KCNT2: variants seen among roughly 807,000 people sequenced by gnomAD.
The protein encoded by KCNT2 is potassium channel subfamily T member 2.
In KCNT2, 67 loss-of-function variants were observed where a neutral mutation model predicts 153.8. The ratio of observed to expected loss-of-function variants is 0.44; its 90% confidence interval spans 0.36 to 0.53. KCNT2 has a LOEUF of 0.53. KCNT2 is among the 20% of genes least tolerant of loss of function. The pLI, the probability that KCNT2 is intolerant of heterozygous loss-of-function variation, is 0.00. For missense variants in KCNT2, 975 were observed against 1,354.8 expected, an observed-to-expected ratio of 0.72 and a Z score of 4.40; for synonymous variants, 500 against 458.8, an observed-to-expected ratio of 1.09 and a Z score of -1.15.
intron 1 of KCNT2, among the ~76,000 whole-genome samples, chr1:196,508,105 C>G (rs1409505057): frequency 7.6e-6 from 1 of 131,044 alleles, no homozygotes; most frequent in Non-Finnish European, 1.6e-5. Context: ...AGTATTAATA[C>G]ATAACAGAGG....
At position 196,305,141 on chromosome 1, in the gene KCNT2, T is replaced by TG. The variant is rs1156925881; in HGVS notation, c.2595+92_2595+93insC. 2.7e-5 allele frequency: 20 copies of TG among 741,702 alleles called. No individual in the cohort carries two copies. The African/African-American group carries it at 3.4e-4, about 13-fold the overall frequency. The allele number at this position is 741,702 out of a possible 1,614,324, so 45.9% of individuals were successfully genotyped here. On this transcript the variant is annotated intron_variant, in intron 22 of 27. Transcript: ENST00000294725. ...AAAATTCAAAACAGCATTTTAGTTT[T>TG]ACTATCTCATGGCATTTTTTTTATA...
At chr1:196,464,344 C>G (rs1008642644) in intron 8 of KCNT2, among the ~76,000 whole-genome samples, 1 of 151,734 alleles carries the variant, frequency 6.6e-6, no homozygotes, top group African/African-American at 2.4e-5. Flanking sequence ...TAAAATAGGT[C>G]TACTGTTTTT....
chr1:196,368,997 C>T (rs1179484864), intron 14 of KCNT2, among the ~76,000 whole-genome samples: 1 of 152,102 alleles, frequency 6.6e-6, no homozygotes. Flanking sequence ...TTTCTACACT[C>T]ATATCTAATC....
At chr1:196,427,802 T>A (rs1673785703) in intron 10 of KCNT2, among the ~76,000 whole-genome samples, 1 of 152,100 alleles carries the variant, frequency 6.6e-6, no homozygotes, top group South Asian at 2.1e-4. Context: ...AAAAATATCA[T>A]TTATGCTCTA....
At chr1:196,434,154 T>C (rs898545909) in intron 8 of KCNT2, among the ~76,000 whole-genome samples, 2 of 152,040 alleles carry the variant, frequency 1.3e-5, no homozygotes, top group African/African-American at 4.8e-5. Context: ...TATTCAAATG[T>C]AGTCTAGTAT....
intron 14 of KCNT2, among the ~76,000 whole-genome samples, chr1:196,349,844 C>T (rs1437241381): frequency 6.6e-6 from 1 of 151,982 alleles, no homozygotes; most frequent in African/African-American, 2.4e-5. Context: ...TCTCCTAATG[C>T]TATCCCTCCC....
intron 1 of KCNT2, among the ~76,000 whole-genome samples, chr1:196,560,237 G>T (rs1659203632): frequency 6.6e-6 from 1 of 151,776 alleles, no homozygotes. Context: ...GGAATGTTAT[G>T]CAAAAGACGA....
intron 18 of KCNT2, among the ~76,000 whole-genome samples, chr1:196,328,341 A>G (rs1212367958): frequency 6.6e-6 from 1 of 152,100 alleles, no homozygotes; most frequent in African/African-American, 2.4e-5. Flanking sequence ...AAGAAAAAAA[A>G]CAGAACCTAG....
chr1:196,348,722 G>A (rs1276444167), intron 14 of KCNT2, among the ~76,000 whole-genome samples: 1 of 151,940 alleles, frequency 6.6e-6, no homozygotes, highest in Non-Finnish European at 1.5e-5. Flanking sequence ...AACAGTATAT[G>A]TTTAATATTT....
intron 12 of KCNT2, among the ~76,000 whole-genome samples, chr1:196,412,823 T>C (rs1672450827): frequency 6.6e-6 from 1 of 151,728 alleles, no homozygotes; most frequent in Non-Finnish European, 1.5e-5. Context: ...GGTTCGACAC[T>C]TAATCAATAA....
At chr1:196,581,524 C>T (rs2148976832) in intron 1 of KCNT2, among the ~76,000 whole-genome samples, 1 of 152,026 alleles carries the variant, frequency 6.6e-6, no homozygotes, top group South Asian at 2.1e-4. Context: ...CCCTTATTCC[C>T]TGAGGCTATT....
intron 14 of KCNT2, among the ~76,000 whole-genome samples, chr1:196,355,951 T>C (rs1429937516): frequency 6.6e-6 from 1 of 151,838 alleles, no homozygotes; most frequent in Non-Finnish European, 1.5e-5. Flanking sequence ...AAGTGCTTCA[T>C]GCCATTGTGC....
At chr1:196,406,894 T>C (rs1208134729) in intron 12 of KCNT2, among the ~76,000 whole-genome samples, 2 of 151,446 alleles carry the variant, frequency 1.3e-5, no homozygotes, top group African/African-American at 4.8e-5. Context: ...AATCTGCATA[T>C]ATATTATCAA....
intron 8 of KCNT2, among the ~76,000 whole-genome samples, chr1:196,449,251 A>G (rs947737368): frequency 2.0e-5 from 3 of 151,736 alleles, no homozygotes; most frequent in Non-Finnish European, 4.4e-5. Flanking sequence ...ACAAGCTCAT[A>G]TGAAATTCTA....
chr1:196,500,278 AAGGGAGGGAGGGAGGGAGGG>A (rs1183746765), intron 1 of KCNT2, among the ~76,000 whole-genome samples: 15 of 42,620 alleles, frequency 3.5e-4, no homozygotes, highest in African/African-American at 1.2e-3. Context: ...GGAAGGAAGG[AAGGGAGGGAGGGAGGGAGGG>A]AGGGAGGGAG....
chr1:196,500,798 A>G (rs1680638799), intron 1 of KCNT2, among the ~76,000 whole-genome samples: 1 of 152,346 alleles, frequency 6.6e-6, no homozygotes, highest in South Asian at 2.1e-4. Context: ...CAAACTATGC[A>G]TCCAACAAAG....
At chr1:196,430,338 T>A (rs1212908789) in intron 8 of KCNT2, among the ~76,000 whole-genome samples, 1 of 151,914 alleles carries the variant, frequency 6.6e-6, no homozygotes, top group Admixed American at 6.6e-5. Flanking sequence ...ATGAATGAAC[T>A]AATGTTGGTA....
chr1:196,326,993 A>G, intron 18 of KCNT2, 104 bp from the exon 19 acceptor site: 1 of 652,154 alleles, frequency 1.5e-6, no homozygotes, highest in South Asian at 2.2e-5. Context: ...AACAATGTAA[A>G]TCCTTATTTT....
chr1:196,575,006 T>A (rs1661189871), intron 1 of KCNT2, among the ~76,000 whole-genome samples: 1 of 151,996 alleles, frequency 6.6e-6, no homozygotes, highest in Admixed American at 6.6e-5. Context: ...TATACTAAAT[T>A]TCATGGTGTC....
Sources: allele counts gnomAD v4.1 joint callset (sites outside exome capture counted in the v4.1 genomes callset), GRCh38; gene constraint gnomAD v4.1.1; transcripts MANE v1.5; gene names NCBI Gene and HGNC (gene_info 2026-07-23, HGNC 2026-07-21).